The following KCNQ1 variants were observed in gnomAD, a reference collection of about 807,000 sequenced individuals.
The protein encoded by KCNQ1 is potassium voltage-gated channel subfamily Q member 1.
In KCNQ1, 49 loss-of-function variants were observed where a neutral mutation model predicts 72.4. The observed-to-expected ratio is 0.68, with a 90% CI of 0.54 to 0.86. The LOEUF (loss-of-function observed/expected upper bound fraction) is 0.86. Among genes scored for constraint, KCNQ1 ranks in the 40% least tolerant of loss-of-function variants. The pLI, the probability that KCNQ1 is intolerant of heterozygous loss-of-function variation, is 0.00. For missense variants in KCNQ1, 790 were observed against 945.1 expected (o/e 0.84, Z 2.15); for synonymous variants, 450 against 412.6 (o/e 1.09, Z -1.10).
rs975895250 is a variant in KCNQ1, at chr11:2,446,848, G to T, written c.386+1364G>T. ...GCTGGCTCTGCTCGTGGCTGCAACA[G>T]CGGGGGCTCGGCTTGGGGTTTGGGA... On this transcript the variant is annotated intron_variant, in intron 1 of 15. Transcript: ENST00000155840. The surrounding 1 kb of genome is among the most constrained non-coding windows in gnomAD (Gnocchi z 8.8). Among the ~76,000 whole-genome samples, 1 of 152,234 alleles carries T rather than the reference G, an allele frequency of 6.6e-6. No homozygotes were observed. The highest frequency in any genetic ancestry group is 1.5e-5 in the Non-Finnish European group (1 of 68,032).
rs1400994269 is a variant in KCNQ1, at chr11:2,544,308, ATATGTATATATC to A, written c.477+16302_477+16313del. On this transcript the variant is annotated intron_variant, in intron 2 of 15. Transcript: ENST00000155840. This position sits in a 1 kb window ranked among gnomAD's most constrained non-coding sequence, Gnocchi z 4.4. ...TATATATATATGTATATATGTGTAT[ATATGTATATATC>A]TATGTATATATATGTGTATGTATAT... Among the ~76,000 whole-genome samples, 4 of 104,978 alleles carry A rather than the reference ATATGTATATATC, an allele frequency of 3.8e-5. No individual in the cohort carries two copies. Among genetic ancestry groups the A allele is most frequent in the South Asian group, 3.5e-4 (1 of 2,824 alleles). 68.9% of individuals were successfully genotyped at this position (104,978 alleles called of 152,430 possible). A position where few individuals can be genotyped will look rare whatever the true frequency, so the allele number is the denominator to read the frequency against.
intron 11 of KCNQ1, among the ~76,000 whole-genome samples, chr11:2,728,125 A>G (rs1845796911): frequency 2.6e-5 from 4 of 151,924 alleles, no homozygotes; most frequent in Admixed American, 2.6e-4. Flanking sequence ...GGGCCTTTGC[A>G]CAAATCCCTT....
intron 10 of KCNQ1, among the ~76,000 whole-genome samples, chr11:2,597,195 G>GATAT (rs1489257395): frequency 1.3e-5 from 2 of 152,116 alleles, no homozygotes; most frequent in African/African-American, 4.8e-5. Flanking sequence ...AACACTCTAT[G>GATAT]GGTATGTGTA....
At chr11:2,634,834 A>G (rs1195897657) in intron 10 of KCNQ1, 2 of 152,230 alleles carry the variant, frequency 1.3e-5, no homozygotes, top group Admixed American at 1.3e-4. Flanking sequence ...CATCTTCTCC[A>G]GCACCTGTTG....
chr11:2,718,700 G>C (rs1345474187), intron 11 of KCNQ1, among the ~76,000 whole-genome samples: 1 of 152,194 alleles, frequency 6.6e-6, no homozygotes, highest in Non-Finnish European at 1.5e-5. Flanking sequence ...ATCTGTCAGG[G>C]GAAGGGCAGT....
At chr11:2,665,026 G>A (rs748704337) in intron 11 of KCNQ1, 11 of 398,534 alleles carry the variant, frequency 2.8e-5, no homozygotes, top group Non-Finnish European at 2.7e-5. Flanking sequence ...GAGGTGGGGT[G>A]GGGGGTGAGC....
At chr11:2,684,025 C>A (rs186695161) in intron 11 of KCNQ1, 1 of 398,288 alleles carries the variant, frequency 2.5e-6, no homozygotes, top group African/African-American at 2.1e-5. Context: ...TCAACATCAG[C>A]TAACTTCATC....
At chr11:2,609,053 T>C in intron 10 of KCNQ1, 1 of 398,478 alleles carries the variant, frequency 2.5e-6, no homozygotes, top group Admixed American at 4.4e-5. Context: ...TTTATTATTT[T>C]GTTTTTTCTA....
chr11:2,827,635 T>C lies in KCNQ1; in HGVS notation c.1795-20132T>C. On this transcript the variant is annotated intron_variant, in intron 15 of 15. Transcript: ENST00000155840. This position sits in a 1 kb window ranked among gnomAD's most constrained non-coding sequence, Gnocchi z 6.7. ...GGTTCTGTTGATTAAAAAAAAAAAG[T>C]GGGGTCGGGGGGGCGGGGGAGAGCG... Among the ~76,000 whole-genome samples, 1 of 27,236 alleles carries C rather than the reference T, an allele frequency of 3.7e-5. No individual in the cohort carries two copies. Among genetic ancestry groups the C allele is most frequent in the South Asian group, 1.7e-3 (1 of 574 alleles). 17.9% of individuals were successfully genotyped at this position (27,236 alleles called of 152,430 possible).
chr11:2,845,699 C>G (rs1319190243), intron 15 of KCNQ1, among the ~76,000 whole-genome samples: 1 of 152,188 alleles, frequency 6.6e-6, no homozygotes, highest in Non-Finnish European at 1.5e-5. Context: ...ACAGGGGAGC[C>G]AGGGAGCCTC....
Position 2,588,815 on chromosome 11 carries a change from C to T in KCNQ1, c.1354C>T (p.Arg452Trp), listed in dbSNP as rs140452381. The part of the protein sequence containing the change: ...HITCDPPEER[R>W]LDHFSVDGYD... Reference sequence around the variant, plus strand: ...CACGTGCGACCCCCCAGAAGAGCGGCGGCTGGACCACTTCTCTGTCGACGG... The same window carrying T: ...CACGTGCGACCCCCCAGAAGAGCGGTGGCTGGACCACTTCTCTGTCGACGG... Residue 452 changes from arginine (R) to tryptophan (W), a missense_variant, in exon 10 of 16, where the codon CGG becomes TGG. Arg to Trp is a moderately radical substitution (Grantham distance 101, BLOSUM62 -3). Coordinates refer to ENST00000155840, the MANE Select transcript of KCNQ1 (RefSeq NM_000218.3). This position sits in a 1 kb window ranked among gnomAD's most constrained non-coding sequence, Gnocchi z 5.6. 4.5e-5 allele frequency: 72 copies of T among 1,613,116 alleles called. No individual in the cohort carries two copies. The African/African-American group carries it at 8.3e-4, about 19-fold the overall frequency.
In KCNQ1 at chr11:2,828,237, G is replaced by A. The variant is rs1847877832; in HGVS notation, c.1795-19530G>A. ...ACTCTGAGAAGTCAGGACAGGAGAT[G>A]GTGTCGTCAGGGGGCTGCTGGAAGG... On this transcript the variant is annotated intron_variant, in intron 15 of 15. Transcript: ENST00000155840. This position sits in a 1 kb window ranked among gnomAD's most constrained non-coding sequence, Gnocchi z 5.3. Among the ~76,000 whole-genome samples the A allele has an allele frequency of 6.6e-6, 1 of 152,222 alleles. No individual in the cohort carries two copies. The highest frequency in any genetic ancestry group is 1.5e-5 in the Non-Finnish European group (1 of 68,040).
chr11:2,567,009 C>T lies in KCNQ1; in HGVS notation c.478-3619C>T, dbSNP rs954604730. Reference sequence around the variant, plus strand: ...TGGGGGAGGGAGAGAGCACTCCTGACACAGGGTCCTGAGGAGGCAGGGGTG... The same window carrying T: ...TGGGGGAGGGAGAGAGCACTCCTGATACAGGGTCCTGAGGAGGCAGGGGTG... On this transcript the variant is annotated intron_variant, in intron 2 of 15. Coordinates refer to ENST00000155840, the MANE Select transcript of KCNQ1 (RefSeq NM_000218.3). The surrounding 1 kb of genome is among the most constrained non-coding windows in gnomAD (Gnocchi z 6.6). Among the ~76,000 whole-genome samples, 3 of 151,276 alleles carry T rather than the reference C, an allele frequency of 2.0e-5. No individual in the cohort carries two copies. Among genetic ancestry groups the T allele is most frequent in the Non-Finnish European group, 4.4e-5 (3 of 67,782 alleles).
rs139591367 is a variant in KCNQ1, at chr11:2,782,399, C to T, written c.1794+4362C>T. ...ATTTATGTGTGAGATACATACATGA[C>T]ATAATTTTCCTGTCTTGTATGGTCT... On this transcript the variant is annotated intron_variant, in intron 15 of 15. Transcript: ENST00000155840. This position sits in a 1 kb window ranked among gnomAD's most constrained non-coding sequence, Gnocchi z 6.1. Among the ~76,000 whole-genome samples the T allele has an allele frequency of 4.2e-3, 638 of 152,278 alleles. 5 individuals are homozygous for T. The highest frequency in any genetic ancestry group is 0.014 in the African/African-American group (602 of 41,534).
chr11:2,688,852 G>A (rs1266660841), intron 11 of KCNQ1: 1 of 399,048 alleles, frequency 2.5e-6, no homozygotes, highest in East Asian at 3.6e-5. Context: ...AGGTGGAGAG[G>A]GCTGGGCCAG....
intron 2 of KCNQ1, among the ~76,000 whole-genome samples, chr11:2,532,116 G>A (rs555658628): frequency 6.6e-6 from 1 of 152,248 alleles, no homozygotes; most frequent in African/African-American, 2.4e-5. Flanking sequence ...CCTCTGCTTG[G>A]CACTATCCTG....
chr11:2,535,657 C>T (rs947967370), intron 2 of KCNQ1, among the ~76,000 whole-genome samples: 5 of 152,234 alleles, frequency 3.3e-5, no homozygotes, highest in African/African-American at 1.2e-4. Context: ...CATGCGCTGG[C>T]CGTAGAGCTT....
Position 2,783,241 on chromosome 11 carries a change from A to C in KCNQ1, c.1794+5204A>C, listed in dbSNP as rs1453625662. Among the ~76,000 whole-genome samples, 6 of 152,054 alleles carry C rather than the reference A, an allele frequency of 3.9e-5. No homozygotes were observed. The highest frequency in any genetic ancestry group is 8.8e-5 in the Non-Finnish European group (6 of 67,946). The stretch of plus-strand genomic sequence containing the variant: ...TTGTTTATCCTAGGAGTTCTGTAGC[A>C]ATGTGGTTTTTGTCATTGTTATAAT... On this transcript the variant is annotated intron_variant, in intron 15 of 15. Coordinates refer to ENST00000155840, the MANE Select transcript of KCNQ1 (RefSeq NM_000218.3). The surrounding 1 kb of genome is among the most constrained non-coding windows in gnomAD (Gnocchi z 5.2).
At chr11:2,774,879 C>T (rs1202164130) in intron 12 of KCNQ1, among the ~76,000 whole-genome samples, 5 of 152,200 alleles carry the variant, frequency 3.3e-5, no homozygotes, top group Non-Finnish European at 7.3e-5. Flanking sequence ...GAGCTTCCTC[C>T]TTTCTCATCC....
Sources: gnomAD v4.1 joint callset for allele counts (sites outside exome capture counted in the v4.1 genomes callset) on GRCh38, gnomAD v4.1.1 for gene constraint, Gnocchi (gnomAD v3.1) non-coding constraint, MANE v1.5 for transcripts, NCBI Gene and HGNC (gene_info 2026-07-23, HGNC 2026-07-21) for gene names.